Variants in BLM observed in about 807,000 individuals in gnomAD.
BLM encodes recQ-like DNA helicase BLM.
A neutral mutation model predicts 135.3 loss-of-function variants in BLM; 95 were observed. The observed-to-expected ratio is 0.70, with a 90% CI of 0.59 to 0.83. The LOEUF is 0.83. BLM is among the 40% of genes least tolerant of loss of function. The probability of loss-of-function intolerance (pLI) is 0.00; values close to 1 mark genes in which losing one functional copy is unlikely to be tolerated. For synonymous variants in BLM, 520 were observed against 589.2 expected (o/e 0.88, Z 1.70); for missense variants, 1,518 against 1,663.9 (o/e 0.91, Z 1.53).
At chr15:90,731,695 A>G (rs1224544316) in intron 1 of BLM, among the ~76,000 whole-genome samples, 1 of 152,166 alleles carries the variant, frequency 6.6e-6, no homozygotes, top group African/African-American at 2.4e-5. Flanking sequence ...TTTAATGTCT[A>G]TAGCATATGT....
chr15:90,786,257 C>T (rs181921672), intron 14 of BLM, among the ~76,000 whole-genome samples: 3 of 152,096 alleles, frequency 2.0e-5, no homozygotes, highest in Admixed American at 6.5e-5. Context: ...CAAATTCCTG[C>T]GATTATAGGT....
At chr15:90,789,998 T>TG (rs1896861342) in intron 14 of BLM, among the ~76,000 whole-genome samples, 2 of 69,732 alleles carry the variant, frequency 2.9e-5, no homozygotes, top group Non-Finnish European at 5.6e-5. Flanking sequence ...TTTTTTTTTT[T>TG]TTTTTTTTTT....
chr15:90,736,826 G>A (rs1895231337), intron 1 of BLM, among the ~76,000 whole-genome samples: 1 of 152,138 alleles, frequency 6.6e-6, no homozygotes, highest in African/African-American at 2.4e-5. Context: ...AGACTCTAAT[G>A]TCTGCTTATT....
chr15:90,777,311 C>G (rs951678074), intron 12 of BLM, among the ~76,000 whole-genome samples: 6 of 152,062 alleles, frequency 3.9e-5, no homozygotes, highest in Non-Finnish European at 5.9e-5. Context: ...GCCACCATGC[C>G]CAGCTAATTT....
At position 90,749,970 on chromosome 15, in the gene BLM, T is replaced by C. The variant is rs1271054585; in HGVS notation, c.702T>C (p.Asp234=). The change falls in exon 3 of 22, where the codon GAT becomes GAC. Residue 234 remains aspartate (D), a synonymous_variant. Transcript: ENST00000355112. The stretch of plus-strand genomic sequence containing the variant: ...ATGACTCAGAATGGTTAAGCAGCGA[T>C]GTGATTTGCATCGATGATGGCCCCA... ...QKDDSEWLSS[D]VICIDDGPIA... The C allele has an allele frequency of 1.2e-6, 2 of 1,614,118 alleles. No individual in the cohort carries two copies. The highest frequency in any genetic ancestry group is 2.7e-5 in the African/African-American group (2 of 74,950).
intron 12 of BLM, among the ~76,000 whole-genome samples, chr15:90,774,467 T>A (rs1019345101): frequency 1.1e-4 from 16 of 152,198 alleles, no homozygotes; most frequent in Admixed American, 7.9e-4. Context: ...TTATTACAGC[T>A]ATATGAAGTG....
chr15:90,801,266 A>G (rs1897160221), intron 17 of BLM, among the ~76,000 whole-genome samples: 1 of 152,202 alleles, frequency 6.6e-6, no homozygotes, highest in Non-Finnish European at 1.5e-5. Context: ...ACATTGTTCC[A>G]ATTAGGGAAG....
At chr15:90,796,693 G>A (rs780328196) in intron 16 of BLM, among the ~76,000 whole-genome samples, 3 of 152,180 alleles carry the variant, frequency 2.0e-5, no homozygotes, top group African/African-American at 4.8e-5. Flanking sequence ...TTGTGGCCAC[G>A]TAGTGACAGT....
chr15:90,792,339 C>T (rs1222947717), intron 15 of BLM, among the ~76,000 whole-genome samples: 1 of 152,120 alleles, frequency 6.6e-6, no homozygotes, highest in East Asian at 1.9e-4. Context: ...CTCCTGACCT[C>T]CAGTGATCTG....
rs1895931307 is a variant in BLM, at chr15:90,760,166, G to T, written c.1107G>T (p.Gln369His). The change falls in exon 6 of 22, where the codon CAG (glutamine) becomes CAT (histidine). Residue 369 changes from glutamine to histidine, a missense_variant. Gln to His is a conservative substitution (Grantham distance 24). Coordinates refer to ENST00000355112, the MANE Select transcript of BLM (RefSeq NM_000057.4). ...TDCDARQISL[Q>H]QQLIHVMEHI... ...TTATAGCTAGACAGATAAGTTTACAGCAGCAGCTTATTCATGTGATGGAGC... is the reference window on the plus strand; with the variant it reads ...TTATAGCTAGACAGATAAGTTTACATCAGCAGCTTATTCATGTGATGGAGC... 6 of 1,611,000 alleles carry T rather than the reference G, an allele frequency of 3.7e-6. No individual in the cohort carries two copies. The highest frequency in any genetic ancestry group is 1.3e-5 in the African/African-American group (1 of 74,844).
chr15:90,778,252 T>C (rs72751839), intron 12 of BLM, among the ~76,000 whole-genome samples: 26,416 of 152,174 alleles, frequency 0.17, 2,360 homozygotes, highest in African/African-American at 0.19. Context: ...TTATTATTTT[T>C]AGTAAAAGTA....
At chr15:90,729,761 C>T (rs1166334477) in intron 1 of BLM, among the ~76,000 whole-genome samples, 1 of 152,228 alleles carries the variant, frequency 6.6e-6, no homozygotes, top group Non-Finnish European at 1.5e-5. Flanking sequence ...AGGATATAGA[C>T]ATCTTTGGAT....
intron 12 of BLM, among the ~76,000 whole-genome samples, chr15:90,770,959 T>C (rs1896297771): frequency 1.3e-5 from 2 of 152,206 alleles, no homozygotes; most frequent in South Asian, 4.1e-4. Flanking sequence ...TTCCAGCCTT[T>C]AAGTTGTTTG....
intron 8 of BLM, among the ~76,000 whole-genome samples, chr15:90,764,170 G>A (rs1308010157): frequency 6.7e-6 from 1 of 149,768 alleles, no homozygotes; most frequent in Non-Finnish European, 1.5e-5. Context: ...TGTCCTTTAG[G>A]GTTTCAAGAC....
chr15:90,772,069 A>G (rs1423129394), intron 12 of BLM, among the ~76,000 whole-genome samples: 2 of 151,924 alleles, frequency 1.3e-5, no homozygotes, highest in African/African-American at 4.8e-5. Flanking sequence ...ATGTCTGTTG[A>G]CTCCTTAATG....
At chr15:90,719,835 C>A (rs565142048) in intron 1 of BLM, among the ~76,000 whole-genome samples, 2 of 152,064 alleles carry the variant, frequency 1.3e-5, no homozygotes, top group Non-Finnish European at 2.9e-5. Context: ...CCTAGGACTT[C>A]AGTGCTGAAA....
rs575386037 is a variant in BLM, at chr15:90,754,678, A to G, written c.960-133A>G. The G allele has an allele frequency of 5.3e-5, 58 of 1,084,410 alleles. No homozygotes were observed. The African/African-American group carries it at 7.2e-4, about 13-fold the overall frequency. 67.2% of individuals were successfully genotyped at this position (1,084,410 alleles called of 1,614,324 possible). A position where few individuals can be genotyped will look rare whatever the true frequency, so the allele number is the denominator to read the frequency against. ...CTAAAGAAGTTTTATAATTGAGGAA[A>G]TTTAAAAAACTACTTCTCTTTTCTG... On this transcript the variant is annotated intron_variant, in intron 4 of 21. Coordinates refer to ENST00000355112, the MANE Select transcript of BLM (RefSeq NM_000057.4).
At chr15:90,788,279 A>C (rs1191468237) in intron 14 of BLM, among the ~76,000 whole-genome samples, 2 of 152,208 alleles carry the variant, frequency 1.3e-5, no homozygotes, top group African/African-American at 2.4e-5. Flanking sequence ...GACTGTCTTC[A>C]GAATTGGAAG....
chr15:90,771,084 T>C (rs1161526475), intron 12 of BLM, among the ~76,000 whole-genome samples: 1 of 151,698 alleles, frequency 6.6e-6, no homozygotes, highest in South Asian at 2.1e-4. Flanking sequence ...TCACAAAGTT[T>C]GGAATGGAAT....
Sources: gnomAD v4.1 joint callset for allele counts (sites outside exome capture counted in the v4.1 genomes callset) on GRCh38, gnomAD v4.1.1 for gene constraint, MANE v1.5 for transcripts, NCBI Gene and HGNC (gene_info 2026-07-23, HGNC 2026-07-21) for gene names.